The following SLC30A8 variants were observed in gnomAD, a reference collection of about 807,000 sequenced individuals.
SLC30A8 encodes solute carrier family 30 member 8, also known as proton-coupled zinc antiporter SLC30A8.
SLC30A8 carries 27 observed loss-of-function variants against 36.9 expected under a neutral mutation model. The ratio of observed to expected loss-of-function variants is 0.73; its 90% CI spans 0.54 to 1.01. The LOEUF is 1.01. Among genes scored for constraint, SLC30A8 ranks in the 50% least tolerant of loss-of-function variants. The pLI, the probability that SLC30A8 is intolerant of heterozygous loss-of-function variation, is 0.00. For synonymous variants in SLC30A8, 164 were observed against 172.4 expected, an observed-to-expected ratio of 0.95 and a Z score of 0.38; for missense variants, 439 against 452.0, an observed-to-expected ratio of 0.97 and a Z score of 0.26.
At chr8:117,118,206 A>G (rs1465343814) in intron 2 of SLC30A8, among the ~76,000 whole-genome samples, 1 of 151,474 alleles carries the variant, frequency 6.6e-6, no homozygotes, top group Non-Finnish European at 1.5e-5. Context: ...AAAAAACAAA[A>G]AACAAAAAAA....
In SLC30A8 at chr8:117,098,182, C is replaced by G. The variant is rs376834920; in HGVS notation, c.-225-37098C>G. The stretch of plus-strand genomic sequence containing the variant: ...TTTAAAATTCGAACATTTAGTCAAT[C>G]AAGACCTCCCTGAGAAAGCAGAATT... On this transcript the variant is annotated intron_variant, in intron 2 of 10. Coordinates refer to the SLC30A8 transcript ENST00000427715. Among the ~76,000 whole-genome samples, 3 of 150,056 alleles carry G rather than the reference C, an allele frequency of 2.0e-5. No individual in the cohort carries two copies. In the East Asian group the frequency reaches 5.8e-4, roughly 29 times the overall value.
At chr8:117,034,270 C>G (rs1198834268) in intron 1 of SLC30A8, among the ~76,000 whole-genome samples, 2 of 152,064 alleles carry the variant, frequency 1.3e-5, no homozygotes, top group African/African-American at 2.4e-5. Context: ...ATAAAACAAT[C>G]ACATCATAAG....
intron 1 of SLC30A8, among the ~76,000 whole-genome samples, chr8:117,031,471 T>A (rs528000057): frequency 1.1e-4 from 16 of 152,150 alleles, no homozygotes; most frequent in Admixed American, 1.0e-3. Flanking sequence ...TCTTTTCTTT[T>A]TTTTTTTAAT....
intron 1 of SLC30A8, among the ~76,000 whole-genome samples, chr8:116,980,448 G>T (rs1815213456): frequency 6.6e-6 from 1 of 152,140 alleles, no homozygotes; most frequent in Non-Finnish European, 1.5e-5. Flanking sequence ...GGAAGTTCTG[G>T]AGCAGAAATC....
intron 2 of SLC30A8, among the ~76,000 whole-genome samples, chr8:117,125,527 T>C (rs930727090): frequency 7.2e-5 from 11 of 152,014 alleles, no homozygotes; most frequent in Non-Finnish European, 1.6e-4. Flanking sequence ...AGTGGCACTA[T>C]GAGGGACCTC....
rs1491127022 is a variant in SLC30A8, at chr8:117,097,931, TTA to T, written c.-225-37342_-225-37341del. ...ATATAATTTTAAATAAATATATATA[TTA>T]TATATAATATATAATTTTAAATAAA... On this transcript the variant is annotated intron_variant, in intron 2 of 10. Coordinates refer to the SLC30A8 transcript ENST00000427715. Among the ~76,000 whole-genome samples, 4 of 101,974 alleles carry T rather than the reference TTA, an allele frequency of 3.9e-5. 1 individual carries two copies. The highest frequency in any genetic ancestry group is 1.4e-4 in the African/African-American group (3 of 22,126). The allele number at this position is 101,974 out of a possible 152,430, so 66.9% of individuals were successfully genotyped here.
chr8:116,979,238 C>CAAAAAAAAAAAAAAAA (rs67998633), intron 1 of SLC30A8, among the ~76,000 whole-genome samples: 2 of 64,284 alleles, frequency 3.1e-5, no homozygotes, highest in Non-Finnish European at 5.6e-5. Flanking sequence ...GACCCTGTCT[C>CAAAAAAAAAAAAAAAA]AAAAAAAAAA....
At chr8:117,117,043 A>G (rs867987382) in intron 2 of SLC30A8, among the ~76,000 whole-genome samples, 5 of 151,968 alleles carry the variant, frequency 3.3e-5, no homozygotes, top group Admixed American at 6.6e-5. Context: ...GCCTGAGACT[A>G]AAAAGGTAAT....
At chr8:116,972,970 GA>G (rs765792585) in intron 1 of SLC30A8, among the ~76,000 whole-genome samples, 10 of 152,250 alleles carry the variant, frequency 6.6e-5, no homozygotes, top group Non-Finnish European at 1.2e-4. Context: ...AACCATCCCC[GA>G]TCTGAGGATA....
intron 4 of SLC30A8, among the ~76,000 whole-genome samples, chr8:117,160,402 C>CT (rs1822716528): frequency 8.4e-6 from 1 of 118,732 alleles, no homozygotes; most frequent in Non-Finnish European, 1.8e-5. Flanking sequence ...GAATTTTCCA[C>CT]TTGTGTGTGT....
At chr8:117,003,267 T>C (rs1816073597) in intron 1 of SLC30A8, among the ~76,000 whole-genome samples, 1 of 152,158 alleles carries the variant, frequency 6.6e-6, no homozygotes. Flanking sequence ...AAAATGGTAT[T>C]GTCAACACGT....
At chr8:117,056,283 T>G (rs994707453) in intron 2 of SLC30A8, 1 of 152,306 alleles carries the variant, frequency 6.6e-6, no homozygotes, top group African/African-American at 2.4e-5. Flanking sequence ...CCTACTGTTG[T>G]CCAACATGAT....
intron 1 of SLC30A8, among the ~76,000 whole-genome samples, chr8:117,140,518 C>A (rs912372676): frequency 6.6e-6 from 1 of 151,968 alleles, no homozygotes; most frequent in African/African-American, 2.4e-5. Flanking sequence ...AGAAAAGATT[C>A]ATTATGTATG....
intron 4 of SLC30A8, among the ~76,000 whole-genome samples, chr8:117,160,403 T>TGTGTG (rs1822717173): frequency 6.5e-4 from 95 of 145,912 alleles, no homozygotes; most frequent in African/African-American, 2.4e-3. Flanking sequence ...AATTTTCCAC[T>TGTGTG]TGTGTGTGTG....
intron 2 of SLC30A8, among the ~76,000 whole-genome samples, chr8:117,096,095 G>C (rs1260589547): frequency 6.6e-6 from 1 of 152,126 alleles, no homozygotes; most frequent in Non-Finnish European, 1.5e-5. Flanking sequence ...TTCTGGCCAG[G>C]AATTCTAGAA....
rs117823183 is a variant in SLC30A8, at chr8:117,000,479, G to A, written c.-265-38740G>A. On this transcript the variant is annotated intron_variant, in intron 1 of 10. Coordinates refer to the SLC30A8 transcript ENST00000427715. ...GAAGAGCTGTAAAAGTGTATAAATT[G>A]TAAACTTAAAATGAAGGCCAAGTAT... is the stretch of plus-strand genomic sequence containing the variant. 1.5e-3 allele frequency among the ~76,000 whole-genome samples: 234 copies of A among 152,298 alleles called. 5 individuals are homozygous for A. In the East Asian group the frequency reaches 0.032, roughly 21 times the overall value.
intron 2 of SLC30A8, among the ~76,000 whole-genome samples, chr8:117,047,598 C>T (rs1005344611): frequency 9.9e-5 from 15 of 152,064 alleles, no homozygotes; most frequent in Admixed American, 6.5e-4. Flanking sequence ...CTAACCTTTA[C>T]AGCTGAGAAG....
chr8:116,950,751 A>G (rs369411405), upstream of SLC30A8, among the ~76,000 whole-genome samples: 2 of 152,308 alleles, frequency 1.3e-5, no homozygotes. Context: ...CAAGATTTTA[A>G]GGTGGGATTG....
At chr8:117,157,143 G>T (rs1184188476) in intron 3 of SLC30A8, among the ~76,000 whole-genome samples, 1 of 152,240 alleles carries the variant, frequency 6.6e-6, no homozygotes, top group African/African-American at 2.4e-5. Context: ...TGCAGTCAGA[G>T]TGTTAGTCAG....
Sources: gnomAD v4.1 joint callset for allele counts (sites outside exome capture counted in the v4.1 genomes callset) on GRCh38, gnomAD v4.1.1 for gene constraint, MANE v1.5 for transcripts, NCBI Gene and HGNC (gene_info 2026-07-23, HGNC 2026-07-21) for gene names.